Variants in MSH4 observed in about 807,000 individuals in gnomAD.
MSH4 encodes the protein mutS homolog 4, also known as mutS protein homolog 4.
A neutral mutation model predicts 113.7 loss-of-function variants in MSH4; 106 were observed. The ratio of observed to expected loss-of-function variants is 0.93; its 90% CI spans 0.80 to 1.10. MSH4 has a LOEUF of 1.10. Among genes scored for constraint, MSH4 ranks in the 50% least tolerant of loss-of-function variants. The pLI is 0.00. For missense variants in MSH4, 1,061 were observed against 1,093.7 expected (o/e 0.97, Z 0.42); for synonymous variants, 368 against 380.2 (o/e 0.97, Z 0.37).
chr1:75,878,855 G>T, intron 11 of MSH4, 137 bp from the exon 12 acceptor site: 43 of 637,108 alleles, frequency 6.7e-5, no homozygotes, highest in Non-Finnish European at 8.5e-5. Context: ...ATTAGAGTTT[G>T]AAAGAGCAAC....
intron 19 of MSH4, among the ~76,000 whole-genome samples, chr1:75,912,495 G>C (rs753173898): frequency 1.6e-4 from 25 of 151,924 alleles, no homozygotes; most frequent in Non-Finnish European, 3.1e-4. Context: ...AATAAATTAT[G>C]TTCTTTCAAA....
Position 75,876,971 on chromosome 1 carries a change from A to G in MSH4, c.1341A>G (p.Arg447=). 2 of 1,565,168 alleles carry G rather than the reference A, an allele frequency of 1.3e-6. No homozygotes were observed. The highest frequency in any genetic ancestry group is 1.7e-6 in the Non-Finnish European group (2 of 1,156,834). Residue 447 remains arginine (R), a synonymous_variant, in exon 10 of 20, where the codon AGA becomes AGG. Coordinates refer to ENST00000263187, the MANE Select transcript of MSH4 (RefSeq NM_002440.4). Reference sequence around the variant, plus strand: ...AGAACTGTAACACACCTTTATTAAGAGCTTACTATGGTTCCTTGGAAGACA... The same window carrying G: ...AGAACTGTAACACACCTTTATTAAGGGCTTACTATGGTTCCTTGGAAGACA... ...AMKNCNTPLL[R]AYYGSLEDKR... is the part of the protein sequence containing the mutation.
chr1:75,881,280 C>T lies in MSH4; in HGVS notation c.1816C>T (p.His606Tyr), dbSNP rs1330794860. 1 of 1,607,152 alleles carries T rather than the reference C, an allele frequency of 6.2e-7. No homozygotes were observed. ...CAAACTGCTTAGTGAGATTTATGAACATATTCATTGCTTATATAAACTATC... is the reference window on the plus strand; with the variant it reads ...CAAACTGCTTAGTGAGATTTATGAATATATTCATTGCTTATATAAACTATC... ...VCKLLSEIYE[H>Y]IHCLYKLSDT... The change falls in exon 14 of 20, where the codon CAT becomes TAT. Residue 606 changes from histidine to tyrosine, a missense_variant. Transcript: ENST00000263187.
Position 75,885,051 on chromosome 1 carries a change from G to GTATATATATATATATATA in MSH4, c.2107+1231_2107+1232insATATATATATATATATAT, listed in dbSNP as rs1217705221. 3.5e-3 allele frequency among the ~76,000 whole-genome samples: 392 copies of GTATATATATATATATATA among 113,020 alleles called. 4 individuals carry two copies. Among genetic ancestry groups the GTATATATATATATATATA allele is most frequent in the African/African-American group, 0.012 (289 of 23,422 alleles). The allele number at this position is 113,020 out of a possible 152,430, so 74.1% of individuals were successfully genotyped here. ...TATATGTGTGTGTGTGTGTGTGTGT[G>GTATATATATATATATATA]TGTGTGTGTATATATATATATATAC... is the stretch of plus-strand genomic sequence containing the variant. On this transcript the variant is annotated intron_variant, in intron 15 of 19. Coordinates refer to ENST00000263187, the MANE Select transcript of MSH4 (RefSeq NM_002440.4).
At chr1:75,888,397 A>G (rs5745497) in intron 15 of MSH4, among the ~76,000 whole-genome samples, 2,044 of 152,154 alleles carry the variant, frequency 0.013, 37 homozygotes, top group Middle Eastern at 0.031. Context: ...TCAAAAAACG[A>G]ATATTTTAGA....
intron 15 of MSH4, among the ~76,000 whole-genome samples, chr1:75,887,568 A>G (rs930356334): frequency 6.6e-5 from 10 of 152,110 alleles, no homozygotes; most frequent in African/African-American, 2.2e-4. Context: ...TATCTGGTTA[A>G]CACTCATAAA....
intron 8 of MSH4, among the ~76,000 whole-genome samples, chr1:75,855,137 G>A (rs996804397): frequency 6.6e-6 from 1 of 151,800 alleles, no homozygotes; most frequent in African/African-American, 2.4e-5. Context: ...TCCCTGGCTT[G>A]TGCAATCTTC....
chr1:75,845,357 C>T (rs1228893078), intron 7 of MSH4, among the ~76,000 whole-genome samples: 1 of 152,170 alleles, frequency 6.6e-6, no homozygotes, highest in Non-Finnish European at 1.5e-5. Flanking sequence ...GCAAATTCCC[C>T]ACCAGCTATG....
intron 7 of MSH4, 108 bp downstream of exon 7, chr1:75,822,689 G>T: frequency 3.7e-6 from 2 of 543,540 alleles, no homozygotes; most frequent in Non-Finnish European, 5.8e-6. Flanking sequence ...GTTAATTCTT[G>T]TATTCTTTTA....
chr1:75,810,702 C>G lies in MSH4; in HGVS notation c.594C>G (p.Ile198Met). 6.8e-7 allele frequency: 1 copy of G among 1,468,932 alleles called. No individual in the cohort carries two copies. Among genetic ancestry groups the G allele is most frequent in the Non-Finnish European group, 9.3e-7 (1 of 1,081,066 alleles). 91.0% of individuals were successfully genotyped at this position (1,468,932 alleles called of 1,614,324 possible). The change falls in exon 4 of 20, where the codon ATC becomes ATG. Residue 198 changes from isoleucine to methionine, a missense_variant. Ile to Met is a conservative substitution (Grantham distance 10). Transcript: ENST00000263187. ...GTTTATTCAAATGATTTCAGGTGATCACTAAACTTAAAATTTTATCACCTT... is the reference window on the plus strand; with the variant it reads ...GTTTATTCAAATGATTTCAGGTGATGACTAAACTTAAAATTTTATCACCTT... Reference protein sequence around the residue: ...FADNTTYAKVITKLKILSPLE... With the variant: ...FADNTTYAKVMTKLKILSPLE...
At chr1:75,824,067 G>T (rs1650489910) in intron 7 of MSH4, among the ~76,000 whole-genome samples, 1 of 152,076 alleles carries the variant, frequency 6.6e-6, no homozygotes, top group Non-Finnish European at 1.5e-5. Flanking sequence ...CTTCCACAAT[G>T]GTTGAACTAA....
intron 19 of MSH4, among the ~76,000 whole-genome samples, chr1:75,909,658 C>A (rs553103653): frequency 6.6e-6 from 1 of 151,364 alleles, no homozygotes; most frequent in African/African-American, 2.4e-5. Flanking sequence ...ACCCCCTCCC[C>A]CCGCTGACAG....
In MSH4 at chr1:75,797,169, G is replaced by A. The variant is rs1207735566; in HGVS notation, c.184G>A (p.Asp62Asn). Reference protein sequence around the residue: ...TCPGTSGAAGDRSSSSSSLPC... With the variant: ...TCPGTSGAAGNRSSSSSSLPC... The stretch of plus-strand genomic sequence containing the variant: ...TCCTGGCACGTCAGGAGCTGCGGGC[G>A]ACCGGAGCAGCAGCAGCAGCAGCCT... The change falls in exon 1 of 20, where the codon GAC (aspartate) becomes AAC (asparagine). Residue 62 changes from aspartate to asparagine, a missense_variant. Asp to Asn is a conservative substitution (Grantham distance 23). Coordinates refer to ENST00000263187, the MANE Select transcript of MSH4 (RefSeq NM_002440.4). The A allele has an allele frequency of 3.7e-6, 6 of 1,610,942 alleles. No homozygotes were observed. Among genetic ancestry groups the A allele is most frequent in the East Asian group, 2.2e-5 (1 of 44,778 alleles).
rs537231245 is a variant in MSH4, at chr1:75,870,040, G to A, written c.1305+2452G>A. On this transcript the variant is annotated intron_variant, in intron 9 of 19. Transcript: ENST00000263187. ...CTGTACCCTGCAAAGGCACAAGGGT[G>A]GAGCTGCTCAAGGCTATGGGAGTTC... Among the ~76,000 whole-genome samples the A allele has an allele frequency of 2.3e-3, 354 of 152,312 alleles. 4 individuals are homozygous for A. Among genetic ancestry groups the A allele is most frequent in the African/African-American group, 8.2e-3 (341 of 41,588 alleles).
At chr1:75,799,253 T>A (rs1165191688) in intron 1 of MSH4, among the ~76,000 whole-genome samples, 1 of 152,174 alleles carries the variant, frequency 6.6e-6, no homozygotes, top group African/African-American at 2.4e-5. Flanking sequence ...GTATCTTTGA[T>A]CCTCACAATA....
Position 75,848,138 on chromosome 1 carries a change from A to G in MSH4, c.1163-71A>G, listed in dbSNP as rs565663887. On this transcript the variant is annotated intron_variant, in intron 7 of 19. Transcript: ENST00000263187. ...TGTTCTATTTTATTCTTTGAGGATA[A>G]TATTTTACATAGTCAATATTTTGAA... The G allele has an allele frequency of 1.1e-5, 11 of 973,092 alleles. No individual in the cohort carries two copies. The African/African-American group carries it at 1.6e-4, about 15-fold the overall frequency. 60.3% of individuals were successfully genotyped at this position (973,092 alleles called of 1,614,324 possible).
rs1162942031 is a variant in MSH4, at chr1:75,797,196, C to A, written c.211C>A (p.Pro71Thr). Residue 71 changes from proline (P) to threonine (T), a missense_variant, in exon 1 of 20, where the codon CCC becomes ACC. Coordinates refer to ENST00000263187, the MANE Select transcript of MSH4 (RefSeq NM_002440.4). Reference protein sequence around the residue: ...GDRSSSSSSLPCPAPNSRPAQ... With the variant: ...GDRSSSSSSLTCPAPNSRPAQ... ...CCGGAGCAGCAGCAGCAGCAGCCTTCCCTGCCCCGCGCCAAACTCCCGGCC... is the reference window on the plus strand; with the variant it reads ...CCGGAGCAGCAGCAGCAGCAGCCTTACCTGCCCCGCGCCAAACTCCCGGCC... 6.2e-7 allele frequency: 1 copy of A among 1,607,146 alleles called. No individual in the cohort carries two copies. The highest frequency in any genetic ancestry group is 8.5e-7 in the Non-Finnish European group (1 of 1,177,006).
rs192602875 is a variant in MSH4 at position 75,877,189 on chromosome 1, A to C, written c.1370+189A>C. ...TAAGTAGAATAAATAGGGTAACAAC[A>C]CATTGATTATTTGTGTTAAAGGACA... On this transcript the variant is annotated intron_variant, in intron 10 of 19. Transcript: ENST00000263187. Among the ~76,000 whole-genome samples the C allele has an allele frequency of 5.0e-3, 756 of 152,238 alleles. 11 individuals are homozygous for C. Among genetic ancestry groups the C allele is most frequent in the East Asian group, 0.012 (64 of 5,188 alleles).
Position 75,889,234 on chromosome 1 carries a change from G to C in MSH4, c.2108-17G>C, listed in dbSNP as rs1464104556. On this transcript the variant is annotated splice_polypyrimidine_tract_variant and intron_variant, in intron 15 of 19. Coordinates refer to ENST00000263187, the MANE Select transcript of MSH4 (RefSeq NM_002440.4). Reference sequence around the variant, plus strand: ...TTATAAACACATTTCAGTTTATCTTGACCTTATATTTTACAGGATCATATG... The same window carrying C: ...TTATAAACACATTTCAGTTTATCTTCACCTTATATTTTACAGGATCATATG... 1.9e-5 allele frequency: 21 copies of C among 1,120,022 alleles called. No individual in the cohort carries two copies. The highest frequency in any genetic ancestry group is 2.8e-5 in the Non-Finnish European group (21 of 752,654). The allele number at this position is 1,120,022 out of a possible 1,614,324, so 69.4% of individuals were successfully genotyped here. A position where few individuals can be genotyped will look rare whatever the true frequency, so the allele number is the denominator to read the frequency against.
Sources: allele counts gnomAD v4.1 joint callset (sites outside exome capture counted in the v4.1 genomes callset), GRCh38; gene constraint gnomAD v4.1.1; transcripts MANE v1.5; gene names NCBI Gene and HGNC (gene_info 2026-07-23, HGNC 2026-07-21).